The following CMSS1 variants were observed in gnomAD, a reference collection of about 807,000 sequenced individuals.
The protein encoded by CMSS1 is cms1 ribosomal small subunit homolog, also known as protein CMSS1.
In CMSS1, 33 loss-of-function variants were observed where a neutral mutation model predicts 43.5. That is an observed-to-expected ratio of 0.76 (90% CI 0.57 to 1.01). The LOEUF (loss-of-function observed/expected upper bound fraction) is 1.01. CMSS1 is among the 50% of genes least tolerant of loss of function. CMSS1 has a pLI of 0.00. For synonymous variants in CMSS1, 115 were observed against 117.2 expected (o/e 0.98, Z 0.12); for missense variants, 313 against 326.4 (o/e 0.96, Z 0.32).
At position 100,167,710 on chromosome 3, in the gene CMSS1, A is replaced by G. The variant is rs756108264; in HGVS notation, c.416-28A>G. 3 of 1,514,288 alleles carry G rather than the reference A, an allele frequency of 2.0e-6. No individual in the cohort carries two copies. In the Admixed American group the frequency reaches 5.4e-5, roughly 27 times the overall value. 93.8% of individuals were successfully genotyped at this position (1,514,288 alleles called of 1,614,324 possible). Reference sequence around the variant, plus strand: ...GTGTGCCCTGTTTTGCCATATTTCAAATAATTGTTTTCTGTTCTTTTTTCC... The same window carrying G: ...GTGTGCCCTGTTTTGCCATATTTCAGATAATTGTTTTCTGTTCTTTTTTCC... On this transcript the variant is annotated intron_variant, in intron 5 of 9. Transcript: ENST00000421999.
intron 1 of CMSS1, chr3:99,833,407 G>C: frequency 1.5e-6 from 1 of 655,346 alleles, no homozygotes; most frequent in Non-Finnish European, 2.7e-6. Context: ...AAGGCATTGA[G>C]TCATAATGAG....
intron 1 of CMSS1, among the ~76,000 whole-genome samples, chr3:100,137,904 C>T (rs904600377): frequency 9.2e-5 from 14 of 152,010 alleles, no homozygotes; most frequent in Admixed American, 8.5e-4. Flanking sequence ...TATGACCATA[C>T]GTAGACATCT....
At chr3:100,048,377 G>A (rs1163034658) in intron 1 of CMSS1, among the ~76,000 whole-genome samples, 1 of 152,206 alleles carries the variant, frequency 6.6e-6, no homozygotes, top group Admixed American at 6.5e-5. Context: ...AAGTATGGCA[G>A]CTGCTTGAAG....
intron 1 of CMSS1, among the ~76,000 whole-genome samples, chr3:99,912,964 T>C (rs1480405640): frequency 3.3e-5 from 5 of 152,142 alleles, no homozygotes; most frequent in African/African-American, 1.2e-4. Flanking sequence ...AATGTGATGG[T>C]ATTAGGAAGT....
intron 1 of CMSS1, among the ~76,000 whole-genome samples, chr3:99,860,405 T>TA (rs1944184411): frequency 6.6e-6 from 1 of 152,180 alleles, no homozygotes. Context: ...ATCAGGATTC[T>TA]AAAAAGCGGT....
intron 1 of CMSS1, chr3:99,850,118 C>T (rs374609337): frequency 5.0e-6 from 8 of 1,612,648 alleles, no homozygotes; most frequent in Non-Finnish European, 6.8e-6. Context: ...GAAGAAGCAG[C>T]TTGTAATTTA....
intron 1 of CMSS1, among the ~76,000 whole-genome samples, chr3:99,920,139 A>G (rs1216731230): frequency 3.9e-5 from 6 of 152,168 alleles, no homozygotes; most frequent in Admixed American, 2.6e-4. Context: ...TGCCATAACA[A>G]TATTTCTTTC....
intron 1 of CMSS1, among the ~76,000 whole-genome samples, chr3:100,048,115 T>C (rs1279717096): frequency 2.0e-5 from 3 of 152,222 alleles, no homozygotes; most frequent in African/African-American, 7.2e-5. Flanking sequence ...TGTGCTTGCA[T>C]TGTCTTCCTG....
At position 100,047,209 on chromosome 3, in the gene CMSS1, A is replaced by C. The variant is rs549103592; in HGVS notation, c.65-99764A>C. On this transcript the variant is annotated intron_variant, in intron 1 of 9. Transcript: ENST00000421999. ...ATGCTTTTAAGGAAGTGAAACTAGT[A>C]AAAACTATCGGAGGGAAGTGTTGTT... 3.3e-5 allele frequency among the ~76,000 whole-genome samples: 5 copies of C among 152,208 alleles called. No homozygotes were observed. The South Asian group carries it at 1.0e-3, about 32-fold the overall frequency.
intron 1 of CMSS1, among the ~76,000 whole-genome samples, chr3:100,096,085 C>A (rs2066201857): frequency 6.6e-6 from 1 of 151,996 alleles, no homozygotes; most frequent in South Asian, 2.1e-4. Context: ...TTATCTTACC[C>A]CAGTTAAAAT....
At chr3:99,927,275 A>G (rs1707323258) in intron 1 of CMSS1, among the ~76,000 whole-genome samples, 1 of 152,258 alleles carries the variant, frequency 6.6e-6, no homozygotes, top group Admixed American at 6.5e-5. Flanking sequence ...TGCTTAAGGT[A>G]AGTATTTTAA....
At chr3:99,877,335 C>T (rs1023667238) in intron 1 of CMSS1, among the ~76,000 whole-genome samples, 1 of 152,042 alleles carries the variant, frequency 6.6e-6, no homozygotes, top group South Asian at 2.1e-4. Flanking sequence ...ACAAGAATGA[C>T]GAAAATAGTC....
intron 1 of CMSS1, among the ~76,000 whole-genome samples, chr3:99,857,531 T>C (rs1463987619): frequency 6.6e-6 from 1 of 152,254 alleles, no homozygotes; most frequent in East Asian, 1.9e-4. Context: ...TGTTTGTTTA[T>C]TACATAAGCA....
chr3:100,047,901 C>T (rs1303006552), intron 1 of CMSS1, among the ~76,000 whole-genome samples: 2 of 152,046 alleles, frequency 1.3e-5, no homozygotes, highest in Non-Finnish European at 2.9e-5. Context: ...ATGGAGGTAG[C>T]TTCTGGCACT....
At chr3:99,880,823 T>G (rs981210663) in intron 1 of CMSS1, among the ~76,000 whole-genome samples, 1 of 152,220 alleles carries the variant, frequency 6.6e-6, no homozygotes, top group South Asian at 2.1e-4. Context: ...TTTCTTTTAG[T>G]CTTTTTCTAA....
At chr3:100,017,787 G>A (rs951921518) in intron 1 of CMSS1, among the ~76,000 whole-genome samples, 1 of 152,062 alleles carries the variant, frequency 6.6e-6, no homozygotes, top group African/African-American at 2.4e-5. Flanking sequence ...AAGAAACACT[G>A]GTCTTCTCCG....
chr3:100,131,584 G>T (rs1411977597), intron 1 of CMSS1, among the ~76,000 whole-genome samples: 1 of 152,144 alleles, frequency 6.6e-6, no homozygotes, highest in African/African-American at 2.4e-5. Context: ...CCCCCATCCA[G>T]CCTCAGGCCT....
intron 1 of CMSS1, among the ~76,000 whole-genome samples, chr3:99,949,240 G>C (rs918074798): frequency 6.6e-6 from 1 of 152,058 alleles, no homozygotes. Context: ...CTGAGGCTAG[G>C]CCTACAAAAA....
At chr3:99,835,766 G>C (rs1421468814) in intron 1 of CMSS1, among the ~76,000 whole-genome samples, 3 of 152,162 alleles carry the variant, frequency 2.0e-5, no homozygotes, top group Non-Finnish European at 4.4e-5. Context: ...TTATGAGGTA[G>C]AATGACGTGC....
Sources: gnomAD v4.1 joint callset for allele counts (sites outside exome capture counted in the v4.1 genomes callset) on GRCh38, gnomAD v4.1.1 for gene constraint, MANE v1.5 for transcripts, NCBI Gene and HGNC (gene_info 2026-07-23, HGNC 2026-07-21) for gene names.